Variants in MBOAT1 observed in about 807,000 individuals in gnomAD.
MBOAT1 encodes membrane-bound glycerophospholipid O-acyltransferase 1.
Under a neutral mutation model 64.4 loss-of-function variants are expected in MBOAT1, and 67 were observed. That is an observed-to-expected ratio of 1.04 (90% CI 0.85 to 1.27). The LOEUF (loss-of-function observed/expected upper bound fraction) is 1.27, where lower values mean the gene tolerates loss of function less well. Ranked by LOEUF, MBOAT1 falls within the 50% of genes most tolerant of loss-of-function variation. The pLI is 0.00. For missense variants in MBOAT1, 563 were observed against 604.6 expected (o/e 0.93, Z 0.72); for synonymous variants, 229 against 218.9 (o/e 1.05, Z -0.41).
At chr6:20,143,396 G>C (rs183836207) in intron 4 of MBOAT1, among the ~76,000 whole-genome samples, 2 of 152,220 alleles carry the variant, frequency 1.3e-5, no homozygotes, top group Admixed American at 6.5e-5. Context: ...GAAGGTCAAG[G>C]AGGCCTGGGG....
At chr6:20,187,042 T>G (rs1164550295) in intron 1 of MBOAT1, among the ~76,000 whole-genome samples, 1 of 152,214 alleles carries the variant, frequency 6.6e-6, no homozygotes, top group African/African-American at 2.4e-5. Context: ...TAAAACATCT[T>G]TGACTACCAT....
intron 10 of MBOAT1, among the ~76,000 whole-genome samples, chr6:20,114,094 A>G (rs1760252167): frequency 6.6e-6 from 1 of 152,196 alleles, no homozygotes; most frequent in Admixed American, 6.5e-5. Flanking sequence ...ATTTATTAAT[A>G]GCAATAATGT....
In MBOAT1 at chr6:20,119,408, A is replaced by C. The variant is rs1009187826; in HGVS notation, c.908-868T>G. On this transcript the variant is annotated intron_variant, in intron 8 of 12. Transcript: ENST00000324607. ...TCTACTTATTTTAAAATCTGTTAGA[A>C]TATTTTCTAAGAAAAAATTAAAATG... Among the ~76,000 whole-genome samples the C allele has an allele frequency of 2.0e-5, 3 of 152,200 alleles. No individual in the cohort carries two copies. In the East Asian group the frequency reaches 5.8e-4, roughly 29 times the overall value.
intron 4 of MBOAT1, among the ~76,000 whole-genome samples, chr6:20,132,257 C>A (rs925795393): frequency 5.9e-5 from 9 of 152,202 alleles, no homozygotes; most frequent in African/African-American, 1.4e-4. Context: ...GGGAGATACA[C>A]AATCCAGTGC....
chr6:20,188,270 T>C (rs1762711265), intron 1 of MBOAT1, among the ~76,000 whole-genome samples: 1 of 152,190 alleles, frequency 6.6e-6, no homozygotes, highest in Non-Finnish European at 1.5e-5. Flanking sequence ...GAAATTCCCA[T>C]GTGAGCAAAA....
chr6:20,133,527 A>G (rs1440803990), intron 4 of MBOAT1, among the ~76,000 whole-genome samples: 1 of 152,132 alleles, frequency 6.6e-6, no homozygotes, highest in Non-Finnish European at 1.5e-5. Context: ...AAAGCACAAG[A>G]GTTTTCTTTC....
At chr6:20,128,977 A>C (rs1364548668) in intron 5 of MBOAT1, among the ~76,000 whole-genome samples, 1 of 152,140 alleles carries the variant, frequency 6.6e-6, no homozygotes, top group Non-Finnish European at 1.5e-5. Context: ...TGGAGAGGGG[A>C]AGGACTCAAA....
intron 9 of MBOAT1, among the ~76,000 whole-genome samples, chr6:20,117,678 G>A (rs988101115): frequency 2.0e-5 from 3 of 152,256 alleles, no homozygotes; most frequent in African/African-American, 7.2e-5. Flanking sequence ...ACTCTCCAGT[G>A]GACTCTGTCT....
Position 20,137,952 on chromosome 6 carries a change from C to A in MBOAT1, c.419+6268G>T, listed in dbSNP as rs1761048187. 2.0e-5 allele frequency among the ~76,000 whole-genome samples: 3 copies of A among 152,212 alleles called. No individual in the cohort carries two copies. The South Asian group carries it at 6.2e-4, about 32-fold the overall frequency. On this transcript the variant is annotated intron_variant, in intron 4 of 12. Coordinates refer to ENST00000324607, the MANE Select transcript of MBOAT1 (RefSeq NM_001080480.3). ...CAAAATCCGAAACAAGATATTTCAACTGCAATAGTAGGGTTAAATCAATTC... is the reference window on the plus strand; with the variant it reads ...CAAAATCCGAAACAAGATATTTCAAATGCAATAGTAGGGTTAAATCAATTC...
At chr6:20,139,546 C>CTTTTT (rs70990010) in intron 4 of MBOAT1, among the ~76,000 whole-genome samples, 16 of 69,218 alleles carry the variant, frequency 2.3e-4, no homozygotes, top group African/African-American at 5.4e-4. Flanking sequence ...ACATTTTAAC[C>CTTTTT]TTTTTTTTTT....
intron 1 of MBOAT1, among the ~76,000 whole-genome samples, chr6:20,177,082 C>A (rs1228001761): frequency 1.3e-5 from 2 of 152,220 alleles, no homozygotes; most frequent in Non-Finnish European, 2.9e-5. Flanking sequence ...TCAAGAATGT[C>A]CTGCCTACAG....
In MBOAT1 at chr6:20,172,324, G is replaced by A. The variant is rs560192246; in HGVS notation, c.100-19555C>T. Among the ~76,000 whole-genome samples the A allele has an allele frequency of 3.3e-5, 5 of 152,244 alleles. No individual in the cohort carries two copies. The South Asian group carries it at 1.0e-3, about 32-fold the overall frequency. On this transcript the variant is annotated intron_variant, in intron 1 of 12. Transcript: ENST00000324607. The stretch of plus-strand genomic sequence containing the variant: ...GGTGCCTATATTCCCAGCTACCCAG[G>A]AGGCTGAGGGATGAGACTCTCTTGA...
intron 1 of MBOAT1, among the ~76,000 whole-genome samples, chr6:20,166,614 C>T (rs1762021466): frequency 6.6e-6 from 1 of 152,074 alleles, no homozygotes; most frequent in African/African-American, 2.4e-5. Flanking sequence ...TCAGCAGCAT[C>T]AGTAATTGGG....
intron 1 of MBOAT1, among the ~76,000 whole-genome samples, chr6:20,211,814 T>G (rs933741228): frequency 1.3e-5 from 2 of 152,096 alleles, no homozygotes; most frequent in African/African-American, 4.8e-5. Context: ...AAACACTGGT[T>G]TCATGTATCA....
intron 1 of MBOAT1, among the ~76,000 whole-genome samples, chr6:20,190,460 T>C (rs1048552215): frequency 2.0e-5 from 3 of 152,190 alleles, no homozygotes; most frequent in East Asian, 1.9e-4. Flanking sequence ...CAGAACTACA[T>C]AGATAGGAAG....
In MBOAT1 at chr6:20,122,610, G is replaced by T. The variant is rs147401062; in HGVS notation, c.907+1798C>A. On this transcript the variant is annotated intron_variant, in intron 8 of 12. Transcript: ENST00000324607. ...AAATACAGCATTGGACTGAACTTATGCAGGAACATTTTGGCCCTTAAAAAT... is the reference window on the plus strand; with the variant it reads ...AAATACAGCATTGGACTGAACTTATTCAGGAACATTTTGGCCCTTAAAAAT... 8.2e-3 allele frequency among the ~76,000 whole-genome samples: 1,251 copies of T among 152,254 alleles called. 10 individuals carry two copies. Among genetic ancestry groups the T allele is most frequent in the African/African-American group, 0.028 (1,169 of 41,538 alleles).
intron 1 of MBOAT1, among the ~76,000 whole-genome samples, chr6:20,187,412 C>T (rs1225920371): frequency 6.6e-6 from 1 of 152,222 alleles, no homozygotes; most frequent in Non-Finnish European, 1.5e-5. Flanking sequence ...ATGGCCCCTC[C>T]ACATGCAACT....
intron 4 of MBOAT1, among the ~76,000 whole-genome samples, chr6:20,135,339 T>A (rs1290561505): frequency 6.6e-6 from 1 of 152,088 alleles, no homozygotes; most frequent in East Asian, 1.9e-4. Context: ...GCTGAAGATA[T>A]GTTTGAAGTA....
At chr6:20,111,385 G>A (rs752714603) in intron 11 of MBOAT1, among the ~76,000 whole-genome samples, 3 of 152,100 alleles carry the variant, frequency 2.0e-5, no homozygotes, top group African/African-American at 7.2e-5. Context: ...ATTTTACTGG[G>A]TCATTTCTAG....
Sources: gnomAD v4.1 joint callset for allele counts (sites outside exome capture counted in the v4.1 genomes callset) on GRCh38, gnomAD v4.1.1 for gene constraint, MANE v1.5 for transcripts, NCBI Gene and HGNC (gene_info 2026-07-23, HGNC 2026-07-21) for gene names.